MYF6: variants seen among roughly 807,000 people sequenced by gnomAD.
MYF6 encodes class C basic helix-loop-helix protein 4.
MYF6 carries 20 observed loss-of-function variants against 21.7 expected under a neutral mutation model. That is an observed-to-expected ratio of 0.92 (90% CI 0.65 to 1.34). The LOEUF (loss-of-function observed/expected upper bound fraction) is 1.34, where lower values mean the gene tolerates loss of function less well. Among genes scored for constraint, MYF6 ranks in the 40% most tolerant of loss-of-function variants. The probability of loss-of-function intolerance (pLI) is 0.00; values close to 1 mark genes in which losing one functional copy is unlikely to be tolerated. For missense variants in MYF6, 320 were observed against 304.1 expected (o/e 1.05, Z -0.39); for synonymous variants, 124 against 124.7 (o/e 0.99, Z 0.04).
rs775330322 is a variant in MYF6, at chr12:80,708,127, C to A, written c.408C>A (p.Ser136Arg). The A allele has an allele frequency of 6.2e-7, 1 of 1,614,054 alleles. No homozygotes were observed. The highest frequency in any genetic ancestry group is 1.3e-5 in the African/African-American group (1 of 74,926). ...TGCCCAAGGTGGAGATTCTGCGGAG[C>A]GCCATCAGCTATATTGAGCGGCTGC... ...QRLPKVEILR[S>R]AISYIERLQD... Residue 136 changes from serine (S) to arginine (R), a missense_variant, in exon 1 of 3, where the codon AGC becomes AGA. Transcript: ENST00000228641.
In MYF6 at chr12:80,708,611, G is replaced by A. The variant is rs754499578; in HGVS notation, c.607G>A (p.Glu203Lys). 2 of 1,614,144 alleles carry A rather than the reference G, an allele frequency of 1.2e-6. No individual in the cohort carries two copies. Reference sequence around the variant, plus strand: ...CAGGGGGCTCGTGATAACGGCTAAGGAAGGTAAAGTAAAAGGGCTCTGGGC... The same window carrying A: ...CAGGGGGCTCGTGATAACGGCTAAGAAAGGTAAAGTAAAAGGGCTCTGGGC... ...HSRGLVITAK[E>K]GGASIDSSAS... The change falls in exon 2 of 3, where the codon GAA (glutamate) becomes AAA (lysine). Residue 203 changes from glutamate (E) to lysine (K), a missense_variant. Coordinates refer to ENST00000228641, the MANE Select transcript of MYF6 (RefSeq NM_002469.3).
At chr12:80,708,457 C>G (rs554487726) in intron 1 of MYF6, 67 bp from the exon 2 acceptor site, 10 of 1,329,860 alleles carry the variant, frequency 7.5e-6, no homozygotes, top group East Asian at 2.3e-5. Context: ...AGCCGCCCCC[C>G]ACCCCACCCC....
Position 80,707,891 on chromosome 12 carries a change from G to T in MYF6, c.172G>T (p.Gly58Ter), listed in dbSNP as rs578239628. ...CCCGGAAGCGGGGAGCGACAGCAGCGGAGAGGAACATGTCCTGGCGCCCCC... is the reference window on the plus strand; with the variant it reads ...CCCGGAAGCGGGGAGCGACAGCAGCTGAGAGGAACATGTCCTGGCGCCCCC... ...MPPEAGSDSS[G>*]EEHVLAPPGL... Residue 58 changes from glycine to a stop codon, truncating the protein, a stop_gained, in exon 1 of 3, where the codon GGA becomes TGA. Transcript: ENST00000228641. LOFTEE classifies it high-confidence loss of function. 6.2e-7 allele frequency: 1 copy of T among 1,614,180 alleles called. No homozygotes were observed. Among genetic ancestry groups the T allele is most frequent in the Non-Finnish European group, 8.5e-7 (1 of 1,180,038 alleles).
chr12:80,709,444 T>C lies in MYF6; in HGVS notation c.*484T>C, dbSNP rs1200520546. 6.5e-6 allele frequency: 1 copy of C among 154,782 alleles called. No individual in the cohort carries two copies. The highest frequency in any genetic ancestry group is 1.4e-5 in the Non-Finnish European group (1 of 69,512). 9.6% of individuals were successfully genotyped at this position (154,782 alleles called of 1,614,324 possible). On this transcript the variant is annotated 3_prime_UTR_variant, in exon 3 of 3. Transcript: ENST00000228641. ...TATAAAATGTGCGAGGATCCTGGTATTGTAATATTAAAAAGAAGTTTCTAT... is the reference window on the plus strand; with the variant it reads ...TATAAAATGTGCGAGGATCCTGGTACTGTAATATTAAAAAGAAGTTTCTAT...
chr12:80,707,750 T>C lies in MYF6; in HGVS notation c.31T>C (p.Tyr11His). The C allele has an allele frequency of 1.9e-6, 3 of 1,614,220 alleles. No individual in the cohort carries two copies. Among genetic ancestry groups the C allele is most frequent in the Non-Finnish European group, 1.7e-6 (2 of 1,180,034 alleles). The change falls in exon 1 of 3, where the codon TAT becomes CAT. Residue 11 changes from tyrosine to histidine, a missense_variant. Transcript: ENST00000228641. MMMDLFETGSYFFYLDGENVT... is the reference protein window; with the variant it reads MMMDLFETGSHFFYLDGENVT... The stretch of plus-strand genomic sequence containing the variant: ...GATGGACCTTTTTGAAACTGGCTCC[T>C]ATTTCTTCTACTTGGATGGGGAAAA...
chr12:80,708,840 A>C lies in MYF6; in HGVS notation c.611-2A>C. The C allele has an allele frequency of 6.2e-7, 1 of 1,612,822 alleles. No individual in the cohort carries two copies. Among genetic ancestry groups the C allele is most frequent in the Non-Finnish European group, 8.5e-7 (1 of 1,178,776 alleles). ...ATGTTTGTGTGTTGTTTTTTCGCTC[A>C]GGAGGAGCAAGTATTGATTCGTCAG... is the stretch of plus-strand genomic sequence containing the variant. On this transcript the variant is annotated splice_acceptor_variant, in intron 2 of 2. Coordinates refer to ENST00000228641, the MANE Select transcript of MYF6 (RefSeq NM_002469.3). LOFTEE classifies it high-confidence loss of function.
Position 80,708,912 on chromosome 12 carries a change from C to A in MYF6, c.681C>A (p.Ser227=). 1 of 1,614,238 alleles carries A rather than the reference C, an allele frequency of 6.2e-7. No homozygotes were observed. The highest frequency in any genetic ancestry group is 8.5e-7 in the Non-Finnish European group (1 of 1,180,040). The change falls in exon 3 of 3, where the codon TCC becomes TCA. Residue 227 remains serine, a synonymous_variant. Transcript: ENST00000228641. Reference sequence around the variant, plus strand: ...TTTCTTCCATCGTGGACAGTATTTCCTCGGAGGAACGCAAACTCCCCTGCG... The same window carrying A: ...TTTCTTCCATCGTGGACAGTATTTCATCGGAGGAACGCAAACTCCCCTGCG... ...RCLSSIVDSI[S]SEERKLPCVE...
At position 80,708,568 on chromosome 12, in the gene MYF6, A is replaced by T; in HGVS notation, c.564A>T (p.Pro188=). The T allele has an allele frequency of 1.9e-6, 3 of 1,607,858 alleles. No individual in the cohort carries two copies. The highest frequency in any genetic ancestry group is 2.5e-6 in the Non-Finnish European group (3 of 1,176,616). The change falls in exon 2 of 3, where the codon CCA becomes CCT. Residue 188 remains proline (P), a synonymous_variant. Transcript: ENST00000228641. The part of the protein sequence containing the change: ...DFLRTCSSQW[P]SVSDHSRGLV... ...TGCGCACCTGCAGCTCCCAGTGGCC[A>T]AGTGTTTCCGATCATTCCAGGGGGC...
rs1270151568 is a variant in MYF6 at position 80,708,589 on chromosome 12, G to T, written c.585G>T (p.Arg195Ser). Residue 195 changes from arginine to serine, a missense_variant, in exon 2 of 3, where the codon AGG becomes AGT. Transcript: ENST00000228641. ...SQWPSVSDHS[R>S]GLVITAKEGG... is the part of the protein sequence containing the mutation. ...GGCCAAGTGTTTCCGATCATTCCAGGGGGCTCGTGATAACGGCTAAGGAAG... is the reference window on the plus strand; with the variant it reads ...GGCCAAGTGTTTCCGATCATTCCAGTGGGCTCGTGATAACGGCTAAGGAAG... 1 of 1,614,058 alleles carries T rather than the reference G, an allele frequency of 6.2e-7. No homozygotes were observed. Among genetic ancestry groups the T allele is most frequent in the African/African-American group, 1.3e-5 (1 of 74,938 alleles).
chr12:80,708,457 C>CA, intron 1 of MYF6, 67 bp from the exon 2 acceptor site: 1 of 1,329,976 alleles, frequency 7.5e-7, no homozygotes, highest in Non-Finnish European at 1.1e-6. Context: ...AGCCGCCCCC[C>CA]ACCCCACCCC....
intron 2 of MYF6, 75 bp downstream of exon 2, chr12:80,708,689 G>C (rs1157882883): frequency 1.9e-6 from 3 of 1,547,082 alleles, no homozygotes; most frequent in Non-Finnish European, 1.8e-6. Flanking sequence ...GAGAGGGCTC[G>C]AAGCGAGAGC....
rs768026872 is a variant in MYF6, at chr12:80,707,962, T to C, written c.243T>C (p.Ala81=). The C allele has an allele frequency of 2.2e-5, 36 of 1,614,116 alleles. No homozygotes were observed. In the South Asian group the frequency reaches 3.6e-4, roughly 16 times the overall value. Reference sequence around the variant, plus strand: ...GCCCCGGCCAGTGTCTGATCTGGGCTTGCAAGACCTGCAAGAGAAAATCTG... The same window carrying C: ...GCCCCGGCCAGTGTCTGATCTGGGCCTGCAAGACCTGCAAGAGAAAATCTG... ...PHCPGQCLIW[A]CKTCKRKSAP... The change falls in exon 1 of 3, where the codon GCT becomes GCC. Residue 81 remains alanine (A), a synonymous_variant. Transcript: ENST00000228641.
Position 80,707,887 on chromosome 12 carries a change from C to A in MYF6, c.168C>A (p.Ser56Arg). 6.2e-7 allele frequency: 1 copy of A among 1,614,184 alleles called. No homozygotes were observed. The highest frequency in any genetic ancestry group is 8.5e-7 in the Non-Finnish European group (1 of 1,180,034). ...DQMPPEAGSD[S>R]SGEEHVLAPP... ...TGCCCCCGGAAGCGGGGAGCGACAG[C>A]AGCGGAGAGGAACATGTCCTGGCGC... Residue 56 changes from serine (S) to arginine (R), a missense_variant, in exon 1 of 3, where the codon AGC (serine) becomes AGA (arginine). By Grantham distance (110) the Ser-to-Arg change is moderately radical (BLOSUM62 -1). Coordinates refer to ENST00000228641, the MANE Select transcript of MYF6 (RefSeq NM_002469.3).
rs751573649 is a variant in MYF6 at position 80,708,822 on chromosome 12, T to G, written c.611-20T>G. 1 of 1,600,396 alleles carries G rather than the reference T, an allele frequency of 6.2e-7. No individual in the cohort carries two copies. Among genetic ancestry groups the G allele is most frequent in the Non-Finnish European group, 8.6e-7 (1 of 1,167,482 alleles). On this transcript the variant is annotated intron_variant, in intron 2 of 2. Coordinates refer to ENST00000228641, the MANE Select transcript of MYF6 (RefSeq NM_002469.3). ...GTTCCTTCTTTGGGTGCTATGTTTG[T>G]GTGTTGTTTTTTCGCTCAGGAGGAG...
At chr12:80,708,473 C>G (rs1413235683) in intron 1 of MYF6, 51 bp from the exon 2 acceptor site, 1 of 1,529,286 alleles carries the variant, frequency 6.5e-7, no homozygotes, top group Non-Finnish European at 9.1e-7. Context: ...ACCCCAACCC[C>G]GGAACCGATG....
In MYF6 at chr12:80,707,990, C is replaced by T; in HGVS notation, c.271C>T (p.Pro91Ser). ...ACKTCKRKSA[P>S]TDRRKAATLR... ...CAAGACCTGCAAGAGAAAATCTGCC[C>T]CCACTGACCGGCGAAAAGCCGCCAC... is the stretch of plus-strand genomic sequence containing the variant. Residue 91 changes from proline (P) to serine (S), a missense_variant, in exon 1 of 3, where the codon CCC becomes TCC. Pro to Ser is a moderately conservative substitution (Grantham distance 74). Coordinates refer to ENST00000228641, the MANE Select transcript of MYF6 (RefSeq NM_002469.3). 1 of 1,614,116 alleles carries T rather than the reference C, an allele frequency of 6.2e-7. No homozygotes were observed. Among genetic ancestry groups the T allele is most frequent in the Non-Finnish European group, 8.5e-7 (1 of 1,180,038 alleles).
Position 80,708,539 on chromosome 12 carries a change from T to C in MYF6, c.535T>C (p.Phe179Leu), listed in dbSNP as rs1287548497. Residue 179 changes from phenylalanine (F) to leucine (L), a missense_variant, in exon 2 of 3, where the codon TTC becomes CTC. Coordinates refer to ENST00000228641, the MANE Select transcript of MYF6 (RefSeq NM_002469.3). ...PKQENLEGAD[F>L]LRTCSSQWPS... ...TTCCCTCCAGCTTGAGGGTGCGGAT[T>C]TCCTGCGCACCTGCAGCTCCCAGTG... 4.3e-6 allele frequency: 7 copies of C among 1,614,120 alleles called. No individual in the cohort carries two copies. The highest frequency in any genetic ancestry group is 4.2e-6 in the Non-Finnish European group (5 of 1,179,998).
Position 80,707,810 on chromosome 12 carries a change from T to A in MYF6, c.91T>A (p.Ser31Thr), listed in dbSNP as rs1443837642. 1 of 1,614,116 alleles carries A rather than the reference T, an allele frequency of 6.2e-7. No individual in the cohort carries two copies. Among genetic ancestry groups the A allele is most frequent in the Non-Finnish European group, 8.5e-7 (1 of 1,180,016 alleles). ...TLQPLEVAEG[S>T]PLYPGSDGTL... is the part of the protein sequence containing the mutation. Reference sequence around the variant, plus strand: ...GCAGCCATTAGAAGTGGCAGAAGGCTCTCCTTTGTATCCAGGGAGTGATGG... The same window carrying A: ...GCAGCCATTAGAAGTGGCAGAAGGCACTCCTTTGTATCCAGGGAGTGATGG... Residue 31 changes from serine to threonine, a missense_variant, in exon 1 of 3, where the codon TCT becomes ACT. Ser to Thr is a moderately conservative substitution (Grantham distance 58). Transcript: ENST00000228641.
chr12:80,708,013 C>T lies in MYF6; in HGVS notation c.294C>T (p.Ala98=), dbSNP rs753157281. Residue 98 remains alanine (A), a synonymous_variant, in exon 1 of 3, where the codon GCC becomes GCT. Coordinates refer to ENST00000228641, the MANE Select transcript of MYF6 (RefSeq NM_002469.3). ...KSAPTDRRKA[A]TLRERRRLKK... The stretch of plus-strand genomic sequence containing the variant: ...CCCCCACTGACCGGCGAAAAGCCGC[C>T]ACCCTGCGCGAAAGGAGGAGGCTAA... 3.1e-6 allele frequency: 5 copies of T among 1,614,196 alleles called. No homozygotes were observed. The highest frequency in any genetic ancestry group is 4.2e-6 in the Non-Finnish European group (5 of 1,180,052).
Sources: gnomAD v4.1 joint callset for allele counts on GRCh38, gnomAD v4.1.1 for gene constraint, MANE v1.5 for transcripts, NCBI Gene and HGNC (gene_info 2026-07-23, HGNC 2026-07-21) for gene names.